The following RANBP2 variants were observed in gnomAD, a reference collection of about 807,000 sequenced individuals.
The protein encoded by RANBP2 is E3 SUMO-protein ligase RanBP2.
A neutral mutation model predicts 303.6 loss-of-function variants in RANBP2; 57 were observed. That is an observed-to-expected ratio of 0.19 (90% CI 0.15 to 0.23). The LOEUF is 0.23. RANBP2 is among the 10% of genes least tolerant of loss of function. The pLI is 1.00. For missense variants in RANBP2, 3,138 were observed against 3,780.8 expected (o/e 0.83, Z 4.46); for synonymous variants, 1,167 against 1,301.5 (o/e 0.90, Z 2.23).
the RANBP2 span, among the ~76,000 whole-genome samples, chr2:108,795,148 G>GTTTT: frequency 8.7e-5 from 6 of 68,640 alleles, no homozygotes; most frequent in Non-Finnish European, 1.2e-4. Context: ...TTTCTAAAGT[G>GTTTT]TATTTTTTTT....
the RANBP2 span, among the ~76,000 whole-genome samples, chr2:108,926,776 C>T: frequency 2.0e-5 from 3 of 152,228 alleles, no homozygotes; most frequent in South Asian, 2.1e-4. Context: ...CCTGCCAAAC[C>T]GCAGGCAGGG....
chr2:109,172,421 TA>T, the RANBP2 span, among the ~76,000 whole-genome samples: 1 of 152,242 alleles, frequency 6.6e-6, no homozygotes. Flanking sequence ...TCTGTGACTG[TA>T]ACCTAAAAAC....
At chr2:109,219,100 A>C in the RANBP2 span, among the ~76,000 whole-genome samples, 1 of 152,176 alleles carries the variant, frequency 6.6e-6, no homozygotes, top group Admixed American at 6.5e-5. Flanking sequence ...ATCAACTGGC[A>C]TTGCACATGA....
the RANBP2 span, among the ~76,000 whole-genome samples, chr2:109,306,935 G>A: frequency 6.6e-6 from 1 of 152,334 alleles, no homozygotes; most frequent in East Asian, 1.9e-4. Flanking sequence ...GATGGCTGAT[G>A]GTGTGCTATG....
the RANBP2 span, among the ~76,000 whole-genome samples, chr2:109,167,578 AGTT>A: frequency 6.6e-6 from 1 of 152,054 alleles, no homozygotes; most frequent in Non-Finnish European, 1.5e-5. Flanking sequence ...TTATTTATTT[AGTT>A]GTTTATTTTT....
At chr2:109,253,198 T>G in the RANBP2 span, among the ~76,000 whole-genome samples, 2 of 152,114 alleles carry the variant, frequency 1.3e-5, no homozygotes, top group African/African-American at 4.8e-5. Flanking sequence ...TGGCTAGTTT[T>G]TGTATTTTTA....
the RANBP2 span, chr2:109,398,625 C>T: frequency 6.3e-7 from 1 of 1,590,006 alleles, no homozygotes; most frequent in African/African-American, 1.3e-5. Context: ...TTGAGATGGA[C>T]AAGCCATGCC....
At chr2:108,786,812 T>A, downstream of RANBP2, 1 of 1,583,620 alleles carries the variant, frequency 6.3e-7, no homozygotes. Context: ...CTGGTACGGT[T>A]GCTGTGTGCT....
the RANBP2 span, among the ~76,000 whole-genome samples, chr2:109,528,103 T>A: frequency 5.6e-3 from 846 of 152,226 alleles, 12 homozygotes; most frequent in South Asian, 0.059. Context: ...GTCATCAGGG[T>A]CAGCTGGAGG....
downstream of RANBP2, chr2:108,788,719 CAAAG>C (rs1573892120): frequency 3.1e-6 from 4 of 1,288,440 alleles, no homozygotes; most frequent in East Asian, 5.3e-5. Flanking sequence ...GACTCCGTCT[CAAAG>C]AAAAAAAAAG....
At chr2:109,328,285 ATCT>A in the RANBP2 span, among the ~76,000 whole-genome samples, 1 of 152,156 alleles carries the variant, frequency 6.6e-6, no homozygotes, top group Admixed American at 6.5e-5. Flanking sequence ...ATAGGATTCC[ATCT>A]CTCTTACTTC....
the RANBP2 span, among the ~76,000 whole-genome samples, chr2:109,176,424 A>G: frequency 6.6e-6 from 1 of 152,210 alleles, no homozygotes; most frequent in African/African-American, 2.4e-5. Flanking sequence ...ATAGTTGCTC[A>G]CAATTTCTTG....
At chr2:109,636,160 T>C in the RANBP2 span, among the ~76,000 whole-genome samples, 1 of 152,144 alleles carries the variant, frequency 6.6e-6, no homozygotes, top group Non-Finnish European at 1.5e-5. Context: ...ACTTCCAGCC[T>C]CCAAAACTGT....
At chr2:108,928,830 T>C in the RANBP2 span, among the ~76,000 whole-genome samples, 4 of 152,346 alleles carry the variant, frequency 2.6e-5, no homozygotes, top group Non-Finnish European at 4.4e-5. Flanking sequence ...CCCAGAGTGT[T>C]CCCAGGATAC....
chr2:109,076,938 A>G, the RANBP2 span, among the ~76,000 whole-genome samples: 77 of 150,712 alleles, frequency 5.1e-4, 3 homozygotes, highest in South Asian at 0.016. Context: ...TAGCTAAGGC[A>G]ATCTGGAGAA....
At chr2:108,888,727 AT>A in the RANBP2 span, among the ~76,000 whole-genome samples, 2 of 151,054 alleles carry the variant, frequency 1.3e-5, no homozygotes, top group East Asian at 3.9e-4. Context: ...CCGTGTATCA[AT>A]TTTTTTTATC....
chr2:108,832,507 C>T, the RANBP2 span, among the ~76,000 whole-genome samples: 6 of 151,744 alleles, frequency 4.0e-5, no homozygotes, highest in Non-Finnish European at 8.8e-5. Flanking sequence ...GCCACCACAC[C>T]CAGCTAATTT....
chr2:109,018,939 A>G, the RANBP2 span, among the ~76,000 whole-genome samples: 1 of 152,250 alleles, frequency 6.6e-6, no homozygotes, highest in Admixed American at 6.5e-5. Context: ...GGTGACACGT[A>G]GCATGCCCTC....
the RANBP2 span, among the ~76,000 whole-genome samples, chr2:109,541,850 G>A: frequency 1.3e-5 from 2 of 152,160 alleles, no homozygotes; most frequent in South Asian, 2.1e-4. Context: ...AGCCTGCTCC[G>A]GCTGCTCCAT....
Sources: gnomAD v4.1 joint callset for allele counts (sites outside exome capture counted in the v4.1 genomes callset) on GRCh38, gnomAD v4.1.1 for gene constraint, MANE v1.5 for transcripts, NCBI Gene and HGNC (gene_info 2026-07-23, HGNC 2026-07-21) for gene names.